CNTNAP2: variants seen among roughly 807,000 people sequenced by gnomAD.
CNTNAP2 encodes the protein contactin associated protein 2, also known as contactin-associated protein-like 2.
In CNTNAP2, 98 loss-of-function variants were observed where a neutral mutation model predicts 155.2. The ratio of observed to expected loss-of-function variants is 0.63; its 90% CI spans 0.54 to 0.75. The LOEUF (loss-of-function observed/expected upper bound fraction) is 0.75. Among genes scored for constraint, CNTNAP2 ranks in the 30% least tolerant of loss-of-function variants. The probability of loss-of-function intolerance (pLI) is 0.00; values close to 1 mark genes in which losing one functional copy is unlikely to be tolerated. For synonymous variants in CNTNAP2, 651 were observed against 631.2 expected, an observed-to-expected ratio of 1.03 and a Z score of -0.47; for missense variants, 1,727 against 1,688.1, an observed-to-expected ratio of 1.02 and a Z score of -0.40.
chr7:147,336,999 C>T (rs1294087517), intron 9 of CNTNAP2, among the ~76,000 whole-genome samples: 1 of 151,926 alleles, frequency 6.6e-6, no homozygotes, highest in Non-Finnish European at 1.5e-5. Flanking sequence ...ACCAAAATGT[C>T]CTCTATATAC....
intron 18 of CNTNAP2, among the ~76,000 whole-genome samples, chr7:148,202,478 A>C (rs1795383991): frequency 6.6e-6 from 1 of 152,196 alleles, no homozygotes; most frequent in Non-Finnish European, 1.5e-5. Context: ...CCATATAGAA[A>C]GCCTTTTGCA....
chr7:146,783,218 T>C (rs1411290166), intron 2 of CNTNAP2, among the ~76,000 whole-genome samples: 1 of 152,154 alleles, frequency 6.6e-6, no homozygotes, highest in Non-Finnish European at 1.5e-5. Context: ...AACTAACATG[T>C]AGTTATAAGC....
intron 13 of CNTNAP2, among the ~76,000 whole-genome samples, chr7:147,716,857 T>G (rs2117022622): frequency 6.6e-6 from 1 of 152,292 alleles, no homozygotes; most frequent in African/African-American, 2.4e-5. Flanking sequence ...GGACAGTGTG[T>G]TACACAATTT....
chr7:146,640,921 G>A (rs956446431), intron 1 of CNTNAP2, among the ~76,000 whole-genome samples: 3 of 152,190 alleles, frequency 2.0e-5, no homozygotes, highest in South Asian at 2.1e-4. Flanking sequence ...CAACATCTGC[G>A]AACAGGGTCT....
At chr7:146,674,805 T>C (rs1033076564) in intron 1 of CNTNAP2, among the ~76,000 whole-genome samples, 8 of 152,132 alleles carry the variant, frequency 5.3e-5, no homozygotes, top group Non-Finnish European at 1.2e-4. Flanking sequence ...AGGAAATGTG[T>C]AGTAAATAAG....
intron 11 of CNTNAP2, among the ~76,000 whole-genome samples, chr7:147,522,817 A>C (rs867902202): frequency 6.6e-6 from 1 of 151,944 alleles, no homozygotes; most frequent in African/African-American, 2.4e-5. Context: ...AAAAAATAAT[A>C]GTTTATTGAA....
intron 15 of CNTNAP2, among the ~76,000 whole-genome samples, chr7:148,072,771 G>A (rs117772712): frequency 0.044 from 6,642 of 152,244 alleles, 354 homozygotes; most frequent in East Asian, 0.28. Flanking sequence ...GCAGTAGTGC[G>A]ATCTTGGCTC....
intron 1 of CNTNAP2, among the ~76,000 whole-genome samples, chr7:146,587,901 TGACCTCA>T (rs1798719246): frequency 2.6e-5 from 4 of 152,210 alleles, no homozygotes; most frequent in African/African-American, 9.6e-5. Context: ...CTTGAACTCC[TGACCTCA>T]GGTGATCTGC....
At chr7:147,560,168 C>CA (rs71183016) in intron 11 of CNTNAP2, among the ~76,000 whole-genome samples, 12,697 of 52,602 alleles carry the variant, frequency 0.24, 2,021 homozygotes, top group Admixed American at 0.36. Context: ...AACTCCGTCT[C>CA]AAAAAAAAAA....
chr7:147,430,927 A>G (rs1797454982), intron 10 of CNTNAP2, among the ~76,000 whole-genome samples: 1 of 152,006 alleles, frequency 6.6e-6, no homozygotes. Context: ...AGCCGGGCCT[A>G]GTCTCAGCTA....
At chr7:147,613,808 A>G (rs1040044811) in intron 12 of CNTNAP2, among the ~76,000 whole-genome samples, 1 of 152,166 alleles carries the variant, frequency 6.6e-6, no homozygotes, top group South Asian at 2.1e-4. Flanking sequence ...TCGCTACTAC[A>G]CTCCAGCCTG....
intron 1 of CNTNAP2, among the ~76,000 whole-genome samples, chr7:146,151,468 A>G (rs1798036605): frequency 6.7e-6 from 1 of 149,828 alleles, no homozygotes. Context: ...TTTACATTTT[A>G]TATATAAATG....
intron 1 of CNTNAP2, among the ~76,000 whole-genome samples, chr7:146,770,462 T>G (rs1433117626): frequency 1.3e-5 from 2 of 151,984 alleles, no homozygotes; most frequent in Admixed American, 1.3e-4. Context: ...GTTGCATTTT[T>G]TAGCTTATAA....
At chr7:146,743,220 A>C (rs1430080979) in intron 1 of CNTNAP2, among the ~76,000 whole-genome samples, 1 of 152,106 alleles carries the variant, frequency 6.6e-6, no homozygotes, top group East Asian at 1.9e-4. Flanking sequence ...CCTTTTTCTT[A>C]TTATTATGGA....
chr7:147,652,378 G>A (rs1011054378), intron 13 of CNTNAP2, among the ~76,000 whole-genome samples: 1 of 152,048 alleles, frequency 6.6e-6, no homozygotes, highest in Admixed American at 6.6e-5. Flanking sequence ...TGAAATTCAG[G>A]CTTAAAAATA....
chr7:147,912,561 A>G (rs1159152466), intron 14 of CNTNAP2, among the ~76,000 whole-genome samples: 1 of 152,208 alleles, frequency 6.6e-6, no homozygotes, highest in Non-Finnish European at 1.5e-5. Context: ...GATTGGAGCT[A>G]ACAGAAATTT....
chr7:147,149,639 G>C (rs530872948), intron 8 of CNTNAP2, among the ~76,000 whole-genome samples: 5 of 152,256 alleles, frequency 3.3e-5, no homozygotes, highest in Non-Finnish European at 7.4e-5. Flanking sequence ...TATGTGGATA[G>C]TGGATAGATA....
At chr7:147,550,397 C>T (rs1799828373) in intron 11 of CNTNAP2, among the ~76,000 whole-genome samples, 1 of 152,146 alleles carries the variant, frequency 6.6e-6, no homozygotes, top group Non-Finnish European at 1.5e-5. Context: ...AATAGGAGTT[C>T]CCCTGCACAA....
rs567389672 is a variant in CNTNAP2 at position 146,724,628 on chromosome 7, TG to T, written c.98-49641del. ...GCTCTGTCGCCAGGCTGGAGTGCAA[TG>T]GTGAGATCTCTGCTCACCGCAACCT... On this transcript the variant is annotated intron_variant, in intron 1 of 23. Transcript: ENST00000361727. 2.8e-4 allele frequency among the ~76,000 whole-genome samples: 38 copies of T among 137,134 alleles called. No homozygotes were observed. The South Asian group carries it at 8.4e-3, about 30-fold the overall frequency. 90.0% of individuals were successfully genotyped at this position (137,134 alleles called of 152,430 possible). A position where few individuals can be genotyped will look rare whatever the true frequency, so the allele number is the denominator to read the frequency against.
Sources: gnomAD v4.1 joint callset for allele counts (sites outside exome capture counted in the v4.1 genomes callset) on GRCh38, gnomAD v4.1.1 for gene constraint, MANE v1.5 for transcripts, NCBI Gene and HGNC (gene_info 2026-07-23, HGNC 2026-07-21) for gene names.